Variants in AK8 observed in about 807,000 individuals in gnomAD.
The protein encoded by AK8 is ATP-AMP transphosphorylase 8.
AK8 carries 44 observed loss-of-function variants against 54.6 expected under a neutral mutation model. The observed-to-expected ratio is 0.81, with a 90% CI of 0.63 to 1.04. AK8 has a LOEUF of 1.04. Among genes scored for constraint, AK8 ranks in the 50% least tolerant of loss-of-function variants. The pLI is 0.00. For missense variants in AK8, 555 were observed against 613.6 expected, an observed-to-expected ratio of 0.90 and a Z score of 1.01; for synonymous variants, 239 against 245.6, an observed-to-expected ratio of 0.97 and a Z score of 0.25.
chr9:132,793,632 G>A (rs903258419), intron 10 of AK8, among the ~76,000 whole-genome samples: 11 of 152,184 alleles, frequency 7.2e-5, no homozygotes, highest in African/African-American at 2.7e-4. Context: ...AAAGTCCTAA[G>A]GAGAATGAGA....
chr9:132,824,701 TG>T (rs1841802025), intron 8 of AK8, among the ~76,000 whole-genome samples: 1 of 152,214 alleles, frequency 6.6e-6, no homozygotes, highest in Non-Finnish European at 1.5e-5. Flanking sequence ...CGCTGGGATA[TG>T]TTCATTGTGA....
At chr9:132,861,477 C>T (rs919697426) in intron 4 of AK8, 1 of 152,204 alleles carries the variant, frequency 6.6e-6, no homozygotes, top group African/African-American at 2.4e-5. Context: ...TCAGTCTCCT[C>T]ACTGGCTGGA....
rs370235920 is a variant in AK8 at position 132,873,420 on chromosome 9, T to C, written c.169+1695A>G. 4.6e-5 allele frequency among the ~76,000 whole-genome samples: 7 copies of C among 152,006 alleles called. No individual in the cohort carries two copies. The East Asian group carries it at 9.6e-4, about 21-fold the overall frequency. On this transcript the variant is annotated intron_variant, in intron 2 of 12. Transcript: ENST00000298545. ...TAAGATGAGTGAGCTGCAGGGTCCC[T>C]GACAGTGGGGAGGGAGGTGGGGGGG...
chr9:132,873,980 G>A (rs1843972964), intron 2 of AK8, among the ~76,000 whole-genome samples: 1 of 152,220 alleles, frequency 6.6e-6, no homozygotes, highest in Non-Finnish European at 1.5e-5. Context: ...CCAGGAAGGT[G>A]GGTTTGGGGA....
In AK8 at chr9:132,791,750, C is replaced by A. The variant is rs555199145; in HGVS notation, c.1121+884G>T. On this transcript the variant is annotated intron_variant, in intron 11 of 12. Transcript: ENST00000298545. This position sits in a 1 kb window ranked among gnomAD's most constrained non-coding sequence, Gnocchi z 4.0. ...TAAAAAGAGAACTGGAACCCACAACCTGCAGCAACCTGCCCGGGGTGTCAG... is the reference window on the plus strand; with the variant it reads ...TAAAAAGAGAACTGGAACCCACAACATGCAGCAACCTGCCCGGGGTGTCAG... Among the ~76,000 whole-genome samples the A allele has an allele frequency of 5.3e-4, 80 of 152,328 alleles. No homozygotes were observed. The highest frequency in any genetic ancestry group is 1.9e-3 in the African/African-American group (79 of 41,574).
chr9:132,793,392 G>A (rs1840028363), intron 10 of AK8, among the ~76,000 whole-genome samples: 1 of 152,122 alleles, frequency 6.6e-6, no homozygotes, highest in Non-Finnish European at 1.5e-5. Flanking sequence ...AACCACTATG[G>A]GCCCAGTTTT....
chr9:132,812,887 C>G (rs75443854), intron 10 of AK8, among the ~76,000 whole-genome samples: 18 of 125,042 alleles, frequency 1.4e-4, no homozygotes, highest in East Asian at 2.7e-4. Context: ...TGAGCCTACA[C>G]AGATCACCTC....
intron 10 of AK8, among the ~76,000 whole-genome samples, chr9:132,809,674 T>C (rs1840904946): frequency 1.3e-5 from 2 of 152,308 alleles, no homozygotes; most frequent in East Asian, 3.9e-4. Context: ...CATTATCCAT[T>C]CTATGCTCTC....
intron 11 of AK8, among the ~76,000 whole-genome samples, chr9:132,744,417 CAAAA>C (rs35007270): frequency 1.7e-5 from 2 of 117,950 alleles, no homozygotes; most frequent in Non-Finnish European, 3.7e-5. Context: ...AGACACGTGC[CAAAA>C]AAAAAAAAAA....
At chr9:132,843,143 T>C (rs1842608815) in intron 5 of AK8, among the ~76,000 whole-genome samples, 1 of 152,200 alleles carries the variant, frequency 6.6e-6, no homozygotes, top group South Asian at 2.1e-4. Flanking sequence ...CACCCAAATC[T>C]CACATTAAAA....
chr9:132,848,231 T>C (rs939386907), intron 5 of AK8, among the ~76,000 whole-genome samples: 3 of 148,338 alleles, frequency 2.0e-5, no homozygotes, highest in African/African-American at 5.0e-5. Flanking sequence ...GGCAAATGCA[T>C]AAGAAATAAT....
chr9:132,762,135 G>T (rs1658330679), intron 11 of AK8, among the ~76,000 whole-genome samples: 1 of 152,178 alleles, frequency 6.6e-6, no homozygotes. Flanking sequence ...CTCCCAAAGT[G>T]CTAGGATTAC....
chr9:132,798,151 C>T (rs1266007955), intron 10 of AK8, among the ~76,000 whole-genome samples: 1 of 152,182 alleles, frequency 6.6e-6, no homozygotes, highest in Non-Finnish European at 1.5e-5. Flanking sequence ...CTGAGGCTAC[C>T]GACCTTTCCC....
chr9:132,861,951 T>C (rs1219627661), intron 4 of AK8, among the ~76,000 whole-genome samples: 1 of 152,224 alleles, frequency 6.6e-6, no homozygotes, highest in Non-Finnish European at 1.5e-5. Flanking sequence ...AGCACTTCAA[T>C]GTGGTTTGAA....
Position 132,803,185 on chromosome 9 carries a change from A to T in AK8, c.980-10410T>A, listed in dbSNP as rs2131209171. On this transcript the variant is annotated intron_variant, in intron 10 of 12. Coordinates refer to ENST00000298545, the MANE Select transcript of AK8 (RefSeq NM_152572.3). The surrounding 1 kb of genome is among the most constrained non-coding windows in gnomAD (Gnocchi z 4.4). ...ATGGAGGTAACCACCCCCAAGATTC[A>T]ATTACCTCCCACCGGGTCCCTCCCA... Among the ~76,000 whole-genome samples the T allele has an allele frequency of 6.6e-6, 1 of 152,204 alleles. No individual in the cohort carries two copies. The highest frequency in any genetic ancestry group is 2.4e-5 in the African/African-American group (1 of 41,528).
intron 11 of AK8, among the ~76,000 whole-genome samples, chr9:132,728,716 G>C (rs1363425157): frequency 3.9e-5 from 6 of 152,018 alleles, no homozygotes; most frequent in Non-Finnish European, 8.8e-5. Context: ...AAGGAGCCCT[G>C]GACCCAAAGG....
At chr9:132,814,953 G>A (rs1476366831) in intron 9 of AK8, among the ~76,000 whole-genome samples, 1 of 152,202 alleles carries the variant, frequency 6.6e-6, no homozygotes, top group Non-Finnish European at 1.5e-5. Flanking sequence ...AATGCATTTG[G>A]CAAAGAACAC....
intron 10 of AK8, among the ~76,000 whole-genome samples, chr9:132,807,941 G>A (rs1179447361): frequency 2.0e-5 from 3 of 151,962 alleles, no homozygotes; most frequent in Admixed American, 6.6e-5. Flanking sequence ...TGGCCACTGT[G>A]AGCCACCGCT....
At chr9:132,774,257 C>T (rs563982047) in intron 11 of AK8, among the ~76,000 whole-genome samples, 4 of 152,044 alleles carry the variant, frequency 2.6e-5, no homozygotes, top group Non-Finnish European at 5.9e-5. Context: ...GACCCTCCTG[C>T]TCATGGGGGG....
Sources: gnomAD v4.1 joint callset for allele counts (sites outside exome capture counted in the v4.1 genomes callset) on GRCh38, gnomAD v4.1.1 for gene constraint, Gnocchi (gnomAD v3.1) non-coding constraint, MANE v1.5 for transcripts, NCBI Gene and HGNC (gene_info 2026-07-23, HGNC 2026-07-21) for gene names.